ILRUN: variants seen among roughly 807,000 people sequenced by gnomAD.
ILRUN encodes the protein protein ILRUN.
Under a neutral mutation model 33.8 loss-of-function variants are expected in ILRUN, and 3 were observed. The observed-to-expected ratio is 0.09, with a 90% CI of 0.04 to 0.23. ILRUN has a LOEUF of 0.23. Among genes scored for constraint, ILRUN ranks in the 10% least tolerant of loss-of-function variants. The pLI is 1.00. For missense variants in ILRUN, 210 were observed against 375.1 expected, an observed-to-expected ratio of 0.56 and a Z score of 3.64; for synonymous variants, 124 against 138.9, an observed-to-expected ratio of 0.89 and a Z score of 0.75.
At position 34,664,345 on chromosome 6, in the gene ILRUN, G is replaced by A. The variant is rs115334190; in HGVS notation, c.159-9566C>T. Among the ~76,000 whole-genome samples, 526 of 152,198 alleles carry A rather than the reference G, an allele frequency of 3.5e-3. 6 individuals carry two copies. The highest frequency in any genetic ancestry group is 6.8e-3 in the Middle Eastern group (2 of 294). On this transcript the variant is annotated intron_variant, in intron 1 of 4. Coordinates refer to ENST00000374023, the MANE Select transcript of ILRUN (RefSeq NM_024294.4). ...TGCAATGAAAATGGTGGGGTTTTGC[G>A]GGTTTTTTGGTGACAGGGTCTTGTT...
intron 1 of ILRUN, among the ~76,000 whole-genome samples, chr6:34,680,309 A>C (rs1446939336): frequency 1.3e-5 from 2 of 152,230 alleles, no homozygotes; most frequent in African/African-American, 4.8e-5. Flanking sequence ...AAGCAAGCAC[A>C]AGTACAACAC....
At chr6:34,658,790 A>G (rs960689474) in intron 1 of ILRUN, among the ~76,000 whole-genome samples, 1 of 152,264 alleles carries the variant, frequency 6.6e-6, no homozygotes, top group South Asian at 2.1e-4. Flanking sequence ...CCTGGGCAAC[A>G]GGGCAAGACT....
At chr6:34,612,274 T>C (rs535245692) in intron 3 of ILRUN, among the ~76,000 whole-genome samples, 1 of 151,960 alleles carries the variant, frequency 6.6e-6, no homozygotes, top group African/African-American at 2.4e-5. Context: ...CCACAAAAAA[T>C]ACAAAAATTA....
chr6:34,683,470 A>ACG (rs1218239730), intron 1 of ILRUN, among the ~76,000 whole-genome samples: 3 of 98,468 alleles, frequency 3.0e-5, no homozygotes, highest in African/African-American at 2.0e-4. Flanking sequence ...ATACATATAT[A>ACG]TACACATATA....
chr6:34,683,476 A>AGTG (rs1562033083), intron 1 of ILRUN, among the ~76,000 whole-genome samples: 1 of 113,370 alleles, frequency 8.8e-6, no homozygotes, highest in African/African-American at 3.6e-5. Flanking sequence ...ATATATACAC[A>AGTG]TATATATATA....
intron 4 of ILRUN, among the ~76,000 whole-genome samples, chr6:34,597,357 AGAG>A (rs1334873786): frequency 6.6e-6 from 1 of 152,226 alleles, no homozygotes; most frequent in African/African-American, 2.4e-5. Flanking sequence ...CTCCTAGGGT[AGAG>A]GAGATTTCCA....
At chr6:34,680,051 T>C (rs1763327610) in intron 1 of ILRUN, among the ~76,000 whole-genome samples, 2 of 152,272 alleles carry the variant, frequency 1.3e-5, no homozygotes, top group South Asian at 4.1e-4. Flanking sequence ...GTTTGTGTTG[T>C]TTCTTAAGCA....
At chr6:34,590,996 G>A (rs1158368994) in intron 4 of ILRUN, among the ~76,000 whole-genome samples, 1 of 152,146 alleles carries the variant, frequency 6.6e-6, no homozygotes, top group Admixed American at 6.6e-5. Context: ...CAGATGTAAG[G>A]CTACTGCTAG....
At chr6:34,614,339 G>A (rs1368186959) in intron 3 of ILRUN, among the ~76,000 whole-genome samples, 2 of 150,950 alleles carry the variant, frequency 1.3e-5, no homozygotes, top group Non-Finnish European at 2.9e-5. Flanking sequence ...GGAGAATGGC[G>A]TGAACCCAGG....
Position 34,664,260 on chromosome 6 carries a change from A to G in ILRUN, c.159-9481T>C, listed in dbSNP as rs896099263. 4.6e-5 allele frequency among the ~76,000 whole-genome samples: 7 copies of G among 152,232 alleles called. No homozygotes were observed. The East Asian group carries it at 9.6e-4, about 21-fold the overall frequency. On this transcript the variant is annotated intron_variant, in intron 1 of 4. Transcript: ENST00000374023. Reference sequence around the variant, plus strand: ...ACATTGTATTATTCTACTTTACTGTATATTTGAAAATGTTTATCATAACAA... The same window carrying G: ...ACATTGTATTATTCTACTTTACTGTGTATTTGAAAATGTTTATCATAACAA...
intron 2 of ILRUN, among the ~76,000 whole-genome samples, chr6:34,652,076 G>A (rs1028919138): frequency 6.6e-6 from 1 of 152,104 alleles, no homozygotes; most frequent in African/African-American, 2.4e-5. Flanking sequence ...ACAGGTGTGA[G>A]CCACTGCACC....
chr6:34,622,324 A>G (rs1762028030), intron 3 of ILRUN, among the ~76,000 whole-genome samples: 1 of 152,224 alleles, frequency 6.6e-6, no homozygotes, highest in Admixed American at 6.5e-5. Flanking sequence ...CATATATGTC[A>G]TAAGGGGTTA....
intron 1 of ILRUN, among the ~76,000 whole-genome samples, chr6:34,693,153 GCTAT>G (rs1294721946): frequency 3.3e-5 from 5 of 151,956 alleles, no homozygotes; most frequent in East Asian, 1.9e-4. Flanking sequence ...AGATTATGAC[GCTAT>G]CTTTCATAAG....
intron 1 of ILRUN, among the ~76,000 whole-genome samples, chr6:34,665,572 A>C (rs958623690): frequency 2.0e-5 from 3 of 152,056 alleles, no homozygotes; most frequent in Non-Finnish European, 2.9e-5. Context: ...AGTAGGCGTG[A>C]GCCACCATGA....
At chr6:34,693,193 T>A (rs1466559084) in intron 1 of ILRUN, among the ~76,000 whole-genome samples, 3 of 152,236 alleles carry the variant, frequency 2.0e-5, no homozygotes, top group Non-Finnish European at 4.4e-5. Context: ...GCCTTCCTGC[T>A]TTTAGTTCAC....
chr6:34,639,161 G>A (rs1762421527), intron 3 of ILRUN, among the ~76,000 whole-genome samples: 1 of 152,140 alleles, frequency 6.6e-6, no homozygotes, highest in Non-Finnish European at 1.5e-5. Context: ...CTAACATGTG[G>A]GACATATTGT....
intron 1 of ILRUN, among the ~76,000 whole-genome samples, chr6:34,676,464 C>CTAGCTAGATAGATAGATAGATA (rs1325427545): frequency 2.1e-4 from 31 of 150,112 alleles, no homozygotes; most frequent in African/African-American, 7.2e-4. Context: ...ATATAGCTAG[C>CTAGCTAGATAGATAGATAGATA]TAGCTAGCTA....
Position 34,587,454 on chromosome 6 carries a change from T to A in ILRUN, c.*3111A>T, listed in dbSNP as rs1453399026. 1 of 152,678 alleles carries A rather than the reference T, an allele frequency of 6.5e-6. No individual in the cohort carries two copies. Among genetic ancestry groups the A allele is most frequent in the African/African-American group, 2.4e-5 (1 of 41,454 alleles). 9.5% of individuals were successfully genotyped at this position (152,678 alleles called of 1,614,324 possible). Reference sequence around the variant, plus strand: ...AGGTGGGAAGGGCAGCCACTGCTGCTCCTGCATTCACCCAAGGAAACAAAG... The same window carrying A: ...AGGTGGGAAGGGCAGCCACTGCTGCACCTGCATTCACCCAAGGAAACAAAG... On this transcript the variant is annotated 3_prime_UTR_variant, in exon 5 of 5. Transcript: ENST00000374023.
intron 1 of ILRUN, among the ~76,000 whole-genome samples, chr6:34,695,156 G>C (rs1581566929): frequency 1.3e-5 from 2 of 152,134 alleles, no homozygotes; most frequent in African/African-American, 4.8e-5. Flanking sequence ...AGGTAGGAGT[G>C]GGATAAAAAG....
Sources: allele counts gnomAD v4.1 joint callset (sites outside exome capture counted in the v4.1 genomes callset), GRCh38; gene constraint gnomAD v4.1.1; transcripts MANE v1.5; gene names NCBI Gene and HGNC (gene_info 2026-07-23, HGNC 2026-07-21).